Variants in MPP7 observed in about 807,000 individuals in gnomAD.
MPP7 encodes the protein MAGUK p55 subfamily member 7.
MPP7 carries 60 observed loss-of-function variants against 76.5 expected under a neutral mutation model. The ratio of observed to expected loss-of-function variants is 0.78; its 90% CI spans 0.64 to 0.97. The LOEUF (loss-of-function observed/expected upper bound fraction) is 0.97, where lower values mean the gene tolerates loss of function less well. Among genes scored for constraint, MPP7 ranks in the 50% least tolerant of loss-of-function variants. The pLI is 0.00. For missense variants in MPP7, 641 were observed against 694.0 expected (o/e 0.92, Z 0.86); for synonymous variants, 237 against 244.5 (o/e 0.97, Z 0.29).
At chr10:28,228,146 G>C (rs776544308) in intron 2 of MPP7, among the ~76,000 whole-genome samples, 10 of 152,124 alleles carry the variant, frequency 6.6e-5, no homozygotes, top group Non-Finnish European at 1.3e-4. Flanking sequence ...ACAAGTTCAA[G>C]ACCTTGCTTT....
At chr10:28,319,439 G>A (rs1400528226) in intron 2 of MPP7, among the ~76,000 whole-genome samples, 1 of 152,188 alleles carries the variant, frequency 6.6e-6, no homozygotes, top group Non-Finnish European at 1.5e-5. Context: ...CACTTTGGGA[G>A]GCTGAGGCAG....
intron 1 of MPP7, among the ~76,000 whole-genome samples, chr10:28,296,287 T>C (rs1841033980): frequency 6.6e-6 from 1 of 152,062 alleles, no homozygotes; most frequent in African/African-American, 2.4e-5. Context: ...AAGGGCTGAA[T>C]CCTATTTATT....
chr10:28,279,899 G>A (rs1589023337), intron 1 of MPP7, among the ~76,000 whole-genome samples: 1 of 151,960 alleles, frequency 6.6e-6, no homozygotes, highest in African/African-American at 2.4e-5. Context: ...GTGGCTGAAT[G>A]ATCCCTTAGA....
At chr10:28,193,386 AT>A (rs1230386494) in intron 3 of MPP7, among the ~76,000 whole-genome samples, 1 of 151,732 alleles carries the variant, frequency 6.6e-6, no homozygotes, top group African/African-American at 2.4e-5. Flanking sequence ...CTAATTTTTT[AT>A]GTTTTTAGTG....
At chr10:28,153,680 C>T (rs1835956297) in intron 3 of MPP7, among the ~76,000 whole-genome samples, 1 of 152,128 alleles carries the variant, frequency 6.6e-6, no homozygotes, top group Non-Finnish European at 1.5e-5. Context: ...ATCTGTTTTA[C>T]TTACACATAC....
At chr10:28,179,169 C>T (rs1836976457) in intron 3 of MPP7, among the ~76,000 whole-genome samples, 2 of 152,162 alleles carry the variant, frequency 1.3e-5, no homozygotes, top group Admixed American at 1.3e-4. Flanking sequence ...TGAAATTTCT[C>T]CTCCAACACA....
At chr10:28,136,419 C>A (rs1288052303) in intron 5 of MPP7, among the ~76,000 whole-genome samples, 1 of 151,770 alleles carries the variant, frequency 6.6e-6, no homozygotes, top group Non-Finnish European at 1.5e-5. Context: ...GGTAGTTAAT[C>A]AAGATAAAAC....
intron 3 of MPP7, among the ~76,000 whole-genome samples, chr10:28,160,437 T>C (rs539852615): frequency 6.6e-6 from 1 of 152,334 alleles, no homozygotes; most frequent in African/African-American, 2.4e-5. Flanking sequence ...CCTTGGTTTG[T>C]GTGACAGCAT....
chr10:28,311,867 G>T (rs1259703716), intron 2 of MPP7, among the ~76,000 whole-genome samples: 1 of 151,906 alleles, frequency 6.6e-6, no homozygotes, highest in Admixed American at 6.6e-5. Context: ...AACCAGTTTG[G>T]ATACTTTTAA....
intron 6 of MPP7, among the ~76,000 whole-genome samples, chr10:28,129,160 T>C (rs1398292423): frequency 6.6e-6 from 1 of 152,160 alleles, no homozygotes; most frequent in East Asian, 1.9e-4. Context: ...CCCAGTGCAA[T>C]ATATTTCCAT....
intron 3 of MPP7, among the ~76,000 whole-genome samples, chr10:28,165,982 G>A (rs1211338741): frequency 6.8e-5 from 9 of 131,950 alleles, no homozygotes; most frequent in African/African-American, 2.0e-4. Flanking sequence ...CCAAGATCGC[G>A]CCACTGCACT....
chr10:28,234,735 C>T (rs745769899), intron 2 of MPP7, among the ~76,000 whole-genome samples: 1 of 152,174 alleles, frequency 6.6e-6, no homozygotes, highest in Non-Finnish European at 1.5e-5. Context: ...ATATACCTAA[C>T]CAGAACTCCT....
At chr10:28,152,010 G>A (rs1181293146) in intron 3 of MPP7, among the ~76,000 whole-genome samples, 1 of 152,120 alleles carries the variant, frequency 6.6e-6, no homozygotes, top group Non-Finnish European at 1.5e-5. Context: ...TTTCTCATTG[G>A]TGGTTCCTCT....
intron 15 of MPP7, chr10:28,057,691 C>G: frequency 8.0e-7 from 1 of 1,246,092 alleles, no homozygotes; most frequent in Non-Finnish European, 1.0e-6. Flanking sequence ...GGGACTAACA[C>G]AGTGCCCAAG....
chr10:28,206,522 G>A (rs1157539998), intron 2 of MPP7, among the ~76,000 whole-genome samples: 1 of 151,904 alleles, frequency 6.6e-6, no homozygotes, highest in Non-Finnish European at 1.5e-5. Context: ...GTTTAGTTAG[G>A]AACACATACC....
rs112941570 is a variant in MPP7, at chr10:28,228,511, A to G, written c.37+10057T>C. 5.3e-5 allele frequency among the ~76,000 whole-genome samples: 8 copies of G among 152,314 alleles called. 1 individual carries two copies. The highest frequency in any genetic ancestry group is 1.9e-4 in the African/African-American group (8 of 41,572). ...CCAGGCACAGTGGCTCACACCTGTAATCCCAGCACTTTGGGAGGCCAAGGT... is the reference window on the plus strand; with the variant it reads ...CCAGGCACAGTGGCTCACACCTGTAGTCCCAGCACTTTGGGAGGCCAAGGT... On this transcript the variant is annotated intron_variant, in intron 2 of 16. Transcript: ENST00000683449.
Position 28,202,278 on chromosome 10 carries a change from A to T in MPP7, c.38-7T>A. The stretch of plus-strand genomic sequence containing the variant: ...GCCAACAGCTCATACAGACCTATAA[A>T]ATGAAAATAAAACACAAAGTGTAAT... On this transcript the variant is annotated splice_polypyrimidine_tract_variant and splice_region_variant and intron_variant, in intron 2 of 16. Coordinates refer to ENST00000683449, the MANE Select transcript of MPP7 (RefSeq NM_001318170.2). 6.3e-7 allele frequency: 1 copy of T among 1,585,106 alleles called. No individual in the cohort carries two copies.
chr10:28,130,065 T>A (rs1835143738), intron 6 of MPP7, among the ~76,000 whole-genome samples: 1 of 152,094 alleles, frequency 6.6e-6, no homozygotes, highest in Admixed American at 6.5e-5. Context: ...GTAACCATTC[T>A]CTCCTTGAGC....
At chr10:28,109,205 T>C (rs139351821) in intron 11 of MPP7, among the ~76,000 whole-genome samples, 2,772 of 152,200 alleles carry the variant, frequency 0.018, 39 homozygotes, top group Middle Eastern at 0.058. Flanking sequence ...GGAGAATCAC[T>C]TGAACCCCGG....
Sources: allele counts gnomAD v4.1 joint callset (sites outside exome capture counted in the v4.1 genomes callset), GRCh38; gene constraint gnomAD v4.1.1; transcripts MANE v1.5; gene names NCBI Gene and HGNC (gene_info 2026-07-23, HGNC 2026-07-21).